CYP7B1: variants seen among roughly 807,000 people sequenced by gnomAD.
CYP7B1 encodes the protein cytochrome P450 7B1.
Under a neutral mutation model 42.7 loss-of-function variants are expected in CYP7B1, and 29 were observed. That is an observed-to-expected ratio of 0.68 (90% CI 0.51 to 0.93). CYP7B1 has a LOEUF of 0.93. CYP7B1 is among the 40% of genes least tolerant of loss of function. CYP7B1 has a pLI of 0.00. For synonymous variants in CYP7B1, 235 were observed against 218.2 expected (o/e 1.08, Z -0.68); for missense variants, 655 against 600.5 (o/e 1.09, Z -0.95).
At chr8:64,676,486 A>T (rs1286907044) in intron 1 of CYP7B1, among the ~76,000 whole-genome samples, 1 of 152,022 alleles carries the variant, frequency 6.6e-6, no homozygotes, top group Non-Finnish European at 1.5e-5. Flanking sequence ...CCTCTGAAGA[A>T]CCCCTTCGGA....
At chr8:64,665,829 G>A (rs939531304) in intron 1 of CYP7B1, among the ~76,000 whole-genome samples, 2 of 151,982 alleles carry the variant, frequency 1.3e-5, no homozygotes. Flanking sequence ...TCCTGCCTTG[G>A]CCTCCAAAAG....
intron 1 of CYP7B1, among the ~76,000 whole-genome samples, chr8:64,748,130 T>C (rs1196897856): frequency 1.3e-5 from 2 of 152,114 alleles, no homozygotes; most frequent in African/African-American, 4.8e-5. Context: ...ATCATCAGAT[T>C]TGTATTCTAG....
At chr8:64,701,912 CAAAAAT>C (rs1806921637) in intron 1 of CYP7B1, among the ~76,000 whole-genome samples, 1 of 151,870 alleles carries the variant, frequency 6.6e-6, no homozygotes, top group Non-Finnish European at 1.5e-5. Flanking sequence ...AGCTAACAAA[CAAAAAT>C]AAAAAGACCA....
rs142161419 is a variant in CYP7B1 at position 64,596,596 on chromosome 8, G to A, written c.*46C>T. The A allele has an allele frequency of 1.9e-6, 3 of 1,539,062 alleles. No homozygotes were observed. The highest frequency in any genetic ancestry group is 1.8e-5 in the Admixed American group (1 of 56,576). ...AAAAAGAAATAGATGAGCTTAGGAT[G>A]TTTAGGGTAATTTTGATAGATTTAT... On this transcript the variant is annotated 3_prime_UTR_variant, in exon 6 of 6. Transcript: ENST00000310193.
At chr8:64,795,511 T>C (rs146048573) in intron 1 of CYP7B1, among the ~76,000 whole-genome samples, 20 of 152,328 alleles carry the variant, frequency 1.3e-4, no homozygotes, top group African/African-American at 4.8e-4. Context: ...TCACTGCCTA[T>C]TTAACATAAC....
At chr8:64,762,736 A>G (rs1333840565) in intron 1 of CYP7B1, among the ~76,000 whole-genome samples, 3 of 152,256 alleles carry the variant, frequency 2.0e-5, no homozygotes, top group African/African-American at 2.4e-5. Flanking sequence ...CAGCTTTTAT[A>G]TAACAGTTTT....
intron 1 of CYP7B1, among the ~76,000 whole-genome samples, chr8:64,796,261 T>G (rs1436262696): frequency 2.0e-5 from 3 of 152,212 alleles, no homozygotes; most frequent in Admixed American, 2.0e-4. Context: ...GCAGCTGGTA[T>G]GAAAGAGTAT....
At chr8:64,687,461 G>A (rs1462534895) in intron 1 of CYP7B1, among the ~76,000 whole-genome samples, 1 of 152,138 alleles carries the variant, frequency 6.6e-6, no homozygotes, top group Non-Finnish European at 1.5e-5. Flanking sequence ...TTTTTCTGGG[G>A]TGATGAAAAT....
chr8:64,648,548 G>A (rs919997523), intron 1 of CYP7B1, among the ~76,000 whole-genome samples: 3 of 152,178 alleles, frequency 2.0e-5, no homozygotes, highest in African/African-American at 7.2e-5. Flanking sequence ...TTCAGTGCTT[G>A]TTAAGTGATG....
chr8:64,726,043 C>G (rs1302179993), intron 1 of CYP7B1, among the ~76,000 whole-genome samples: 3 of 152,154 alleles, frequency 2.0e-5, no homozygotes, highest in African/African-American at 7.2e-5. Context: ...ATCTGACTGA[C>G]ATTTTTTAAT....
intron 1 of CYP7B1, among the ~76,000 whole-genome samples, chr8:64,693,208 T>A (rs1186901477): frequency 6.6e-6 from 1 of 151,578 alleles, no homozygotes; most frequent in African/African-American, 2.4e-5. Flanking sequence ...GCCATGGCTA[T>A]TGGGAGACAA....
chr8:64,753,874 G>A (rs1273859916), intron 1 of CYP7B1, among the ~76,000 whole-genome samples: 1 of 152,178 alleles, frequency 6.6e-6, no homozygotes, highest in Non-Finnish European at 1.5e-5. Flanking sequence ...GAAGAGGAAG[G>A]GGGCATAGCA....
intron 2 of CYP7B1, among the ~76,000 whole-genome samples, chr8:64,623,441 G>T (rs1420639041): frequency 1.3e-5 from 2 of 152,210 alleles, no homozygotes; most frequent in Non-Finnish European, 2.9e-5. Context: ...GGATCATCCA[G>T]TTCCCATCCA....
At chr8:64,683,707 G>T (rs1806575002) in intron 1 of CYP7B1, among the ~76,000 whole-genome samples, 1 of 152,106 alleles carries the variant, frequency 6.6e-6, no homozygotes, top group African/African-American at 2.4e-5. Context: ...AGCATCCTGT[G>T]TACCCTATAA....
intron 1 of CYP7B1, among the ~76,000 whole-genome samples, chr8:64,668,348 A>G (rs767953121): frequency 2.6e-5 from 4 of 152,182 alleles, no homozygotes; most frequent in Non-Finnish European, 5.9e-5. Flanking sequence ...TGTTGAACTG[A>G]TAACTATATA....
chr8:64,722,336 T>G (rs1053255542), intron 1 of CYP7B1, among the ~76,000 whole-genome samples: 1 of 152,136 alleles, frequency 6.6e-6, no homozygotes, highest in Non-Finnish European at 1.5e-5. Context: ...CAAGACAAAC[T>G]CAGTGTTGAA....
At chr8:64,668,148 T>G (rs543207216) in intron 1 of CYP7B1, among the ~76,000 whole-genome samples, 1 of 152,312 alleles carries the variant, frequency 6.6e-6, no homozygotes, top group African/African-American at 2.4e-5. Context: ...ATACATGACA[T>G]GCCACGTTCT....
At chr8:64,718,247 A>G (rs1807187334) in intron 1 of CYP7B1, among the ~76,000 whole-genome samples, 1 of 152,176 alleles carries the variant, frequency 6.6e-6, no homozygotes, top group Admixed American at 6.5e-5. Flanking sequence ...AGTCAATGGT[A>G]TTAACAACAC....
At chr8:64,698,992 T>C (rs554130965) in intron 1 of CYP7B1, among the ~76,000 whole-genome samples, 12 of 152,180 alleles carry the variant, frequency 7.9e-5, no homozygotes, top group Non-Finnish European at 1.5e-4. Context: ...GACAGAATTT[T>C]AAATTTCAGC....
Sources: allele counts gnomAD v4.1 joint callset (sites outside exome capture counted in the v4.1 genomes callset), GRCh38; gene constraint gnomAD v4.1.1; transcripts MANE v1.5; gene names NCBI Gene and HGNC (gene_info 2026-07-23, HGNC 2026-07-21).